Variants in AFTPH observed in about 807,000 individuals in gnomAD.
The protein encoded by AFTPH is aftiphilin protein.
AFTPH carries 7 observed loss-of-function variants against 72.5 expected under a neutral mutation model. The ratio of observed to expected loss-of-function variants is 0.10; its 90% CI spans 0.05 to 0.18. The LOEUF (loss-of-function observed/expected upper bound fraction) is 0.18. Ranked by LOEUF, AFTPH falls within the 10% of genes least tolerant of loss-of-function variation. AFTPH has a pLI of 1.00. For synonymous variants in AFTPH, 337 were observed against 370.1 expected (o/e 0.91, Z 1.03); for missense variants, 979 against 1,060.5 (o/e 0.92, Z 1.07).
intron 2 of AFTPH, among the ~76,000 whole-genome samples, chr2:64,554,583 A>G (rs944210540): frequency 1.7e-4 from 26 of 152,356 alleles, no homozygotes; most frequent in Admixed American, 3.9e-4. Context: ...ACAGTAAGAT[A>G]TTAGAGAAAT....
chr2:64,581,193 G>A, intron 7 of AFTPH: 1 of 1,591,746 alleles, frequency 6.3e-7, no homozygotes, highest in Non-Finnish European at 8.6e-7. Flanking sequence ...TTTCAAGCTA[G>A]TGGAGGTTCC....
intron 5 of AFTPH, among the ~76,000 whole-genome samples, chr2:64,571,695 T>C (rs183829794): frequency 6.6e-6 from 1 of 152,302 alleles, no homozygotes; most frequent in African/African-American, 2.4e-5. Context: ...TGAGGTTTTG[T>C]TTTTGTTTTT....
intron 6 of AFTPH, among the ~76,000 whole-genome samples, chr2:64,574,820 G>A (rs571318933): frequency 6.6e-6 from 1 of 152,158 alleles, no homozygotes; most frequent in Non-Finnish European, 1.5e-5. Flanking sequence ...GCCCTGATAC[G>A]CCCTCTGGCT....
chr2:64,585,669 T>C (rs1673461335), intron 8 of AFTPH, 124 bp downstream of exon 9: 2 of 1,050,472 alleles, frequency 1.9e-6, no homozygotes, highest in Admixed American at 5.4e-5. Context: ...TAAAAGTCAG[T>C]CGATGCCCAA....
intron 7 of AFTPH, 97 bp downstream of exon 7, chr2:64,579,643 A>T: frequency 9.1e-7 from 1 of 1,104,462 alleles, no homozygotes; most frequent in Non-Finnish European, 1.3e-6. Flanking sequence ...TTTTTGTTTG[A>T]ACATAACTTA....
At chr2:64,585,324 C>T (rs1673441132) in intron 7 of AFTPH, 98 bp from the exon 9 acceptor site, 1 of 1,410,514 alleles carries the variant, frequency 7.1e-7, no homozygotes, top group South Asian at 1.2e-5. Flanking sequence ...GTAAAACACT[C>T]AGATGTTTAC....
At chr2:64,540,740 T>C (rs149707536) in intron 1 of AFTPH, among the ~76,000 whole-genome samples, 2 of 152,252 alleles carry the variant, frequency 1.3e-5, no homozygotes, top group African/African-American at 4.8e-5. Flanking sequence ...GTGTGGCTTT[T>C]TTAGGGTGAT....
intron 2 of AFTPH, among the ~76,000 whole-genome samples, chr2:64,563,606 G>T (rs1017539656): frequency 1.4e-4 from 21 of 152,288 alleles, no homozygotes; most frequent in African/African-American, 5.1e-4. Context: ...TTTGGACTAT[G>T]TTACATCACA....
chr2:64,573,197 T>C, intron 6 of AFTPH, 129 bp downstream of exon 6: 2 of 709,940 alleles, frequency 2.8e-6, no homozygotes, highest in South Asian at 4.7e-5. Context: ...ATGATGGACA[T>C]GATTTTGATT....
At chr2:64,587,433 C>G (rs3770727) in intron 8 of AFTPH, among the ~76,000 whole-genome samples, 40,487 of 152,166 alleles carry the variant, frequency 0.27, 5,475 homozygotes, top group South Asian at 0.29. Context: ...GATTCTCAAT[C>G]GTACAGAGCA....
At chr2:64,592,890 A>AG (rs1491435288) in exon 9 of AFTPH, 1 of 152,658 alleles carries the variant, frequency 6.6e-6, no homozygotes, top group Admixed American at 6.5e-5. Flanking sequence ...TATGGAAAAA[A>AG]GAGAGACATG....
chr2:64,550,282 C>G (rs183843415), intron 1 of AFTPH, among the ~76,000 whole-genome samples: 1 of 152,218 alleles, frequency 6.6e-6, no homozygotes, highest in African/African-American at 2.4e-5. Context: ...CACCTGTAGT[C>G]TCAGCTACCC....
chr2:64,569,563 T>C (rs1672294573), intron 4 of AFTPH, 60 bp from the exon 5 acceptor site: 1 of 1,550,698 alleles, frequency 6.4e-7, no homozygotes, highest in African/African-American at 1.4e-5. Flanking sequence ...TTGGAAACTA[T>C]TTCATTGTAT....
At chr2:64,579,329 A>G (rs1184370939) in intron 6 of AFTPH, among the ~76,000 whole-genome samples, 157 bp from the exon 7 acceptor site, 1 of 152,172 alleles carries the variant, frequency 6.6e-6, no homozygotes, top group Non-Finnish European at 1.5e-5. Context: ...GTTTGTGCTG[A>G]TATTTGCAGG....
chr2:64,576,074 T>TACACACACAC (rs55774717), intron 6 of AFTPH, among the ~76,000 whole-genome samples: 9 of 127,760 alleles, frequency 7.0e-5, no homozygotes, highest in Middle Eastern at 4.3e-3. Flanking sequence ...TTTGGCATGC[T>TACACACACAC]ACACACACAC....
At chr2:64,550,505 G>T (rs988486191) in intron 1 of AFTPH, among the ~76,000 whole-genome samples, 1 of 152,160 alleles carries the variant, frequency 6.6e-6, no homozygotes, top group African/African-American at 2.4e-5. Context: ...CATTCTTGAT[G>T]TAACAAATTA....
At chr2:64,534,436 A>G (rs896282411) in intron 1 of AFTPH, among the ~76,000 whole-genome samples, 4 of 152,184 alleles carry the variant, frequency 2.6e-5, no homozygotes, top group Admixed American at 1.3e-4. Context: ...CTGAAGCCCA[A>G]ACAGAATATT....
At chr2:64,530,892 T>C (rs554845344) in intron 1 of AFTPH, among the ~76,000 whole-genome samples, 2 of 151,744 alleles carry the variant, frequency 1.3e-5, no homozygotes, top group African/African-American at 4.8e-5. Context: ...TAAAACCCCG[T>C]CTCTACTAAA....
At chr2:64,545,463 A>G (rs530750014) in intron 1 of AFTPH, among the ~76,000 whole-genome samples, 1 of 150,868 alleles carries the variant, frequency 6.6e-6, no homozygotes, top group African/African-American at 2.4e-5. Context: ...CACACACTAT[A>G]CATATGCAGT....
Sources: gnomAD v4.1 joint callset for allele counts (sites outside exome capture counted in the v4.1 genomes callset) on GRCh38, gnomAD v4.1.1 for gene constraint, MANE v1.5 for transcripts, NCBI Gene and HGNC (gene_info 2026-07-23, HGNC 2026-07-21) for gene names.